ESR1: variants seen among roughly 807,000 people sequenced by gnomAD.
ESR1 encodes the protein estrogen receptor 1, also known as estrogen receptor.
Under a neutral mutation model 52.7 loss-of-function variants are expected in ESR1, and 12 were observed. The observed-to-expected ratio is 0.23, with a 90% CI of 0.15 to 0.37. The LOEUF (loss-of-function observed/expected upper bound fraction) is 0.37, where lower values mean the gene tolerates loss of function less well. Ranked by LOEUF, ESR1 falls within the 10% of genes least tolerant of loss-of-function variation. ESR1 has a pLI of 1.00. For missense variants in ESR1, 584 were observed against 779.7 expected, an observed-to-expected ratio of 0.75 and a Z score of 2.99; for synonymous variants, 305 against 316.8, an observed-to-expected ratio of 0.96 and a Z score of 0.39.
chr6:151,661,240 C>A (rs987523548), intron 1 of ESR1, among the ~76,000 whole-genome samples: 1 of 152,174 alleles, frequency 6.6e-6, no homozygotes, highest in Non-Finnish European at 1.5e-5. Context: ...AAAGATTTTG[C>A]AGCTTGGTAT....
Position 151,970,388 on chromosome 6 carries a change from A to G in ESR1, c.1096+25880A>G, listed in dbSNP as rs138208264. On this transcript the variant is annotated intron_variant, in intron 4 of 7. Transcript: ENST00000206249. Reference sequence around the variant, plus strand: ...GTGAGAAGCCCTCCCACAAGCATATACAAATTTTATGGAAACAGACAAAAA... The same window carrying G: ...GTGAGAAGCCCTCCCACAAGCATATGCAAATTTTATGGAAACAGACAAAAA... Among the ~76,000 whole-genome samples, 4 of 152,176 alleles carry G rather than the reference A, an allele frequency of 2.6e-5. No homozygotes were observed. The East Asian group carries it at 5.8e-4, about 22-fold the overall frequency.
chr6:151,756,941 C>T (rs1784335597), intron 2 of ESR1, among the ~76,000 whole-genome samples: 1 of 152,056 alleles, frequency 6.6e-6, no homozygotes, highest in South Asian at 2.1e-4. Flanking sequence ...AGTGAGCCGG[C>T]ATTGAGCCAC....
At chr6:151,812,372 A>G (rs1270416444) in intron 1 of ESR1, among the ~76,000 whole-genome samples, 1 of 152,204 alleles carries the variant, frequency 6.6e-6, no homozygotes, top group Non-Finnish European at 1.5e-5. Flanking sequence ...AATGATGATT[A>G]TATGAAATCT....
At chr6:151,947,608 A>T (rs745875971) in intron 4 of ESR1, among the ~76,000 whole-genome samples, 1 of 152,132 alleles carries the variant, frequency 6.6e-6, no homozygotes, top group South Asian at 2.1e-4. Flanking sequence ...GTTGATGATT[A>T]TAAGTTGAAT....
intron 2 of ESR1, among the ~76,000 whole-genome samples, chr6:151,792,209 T>G (rs1418805066): frequency 6.6e-6 from 1 of 152,148 alleles, no homozygotes; most frequent in Non-Finnish European, 1.5e-5. Flanking sequence ...TAAAAAATGG[T>G]CCACCTGTAC....
chr6:151,787,643 C>T (rs977378571), intron 2 of ESR1, among the ~76,000 whole-genome samples: 1 of 151,950 alleles, frequency 6.6e-6, no homozygotes, highest in Admixed American at 6.6e-5. Context: ...TGGCTCTTTG[C>T]TTGACTATTT....
chr6:152,083,646 A>C (rs1191595321), intron 6 of ESR1, among the ~76,000 whole-genome samples: 2 of 152,254 alleles, frequency 1.3e-5, no homozygotes, highest in African/African-American at 4.8e-5. Flanking sequence ...AGCAAAGGAA[A>C]CTATCATCAG....
At chr6:151,701,526 T>A (rs2115422077) in intron 1 of ESR1, among the ~76,000 whole-genome samples, 2 of 80,098 alleles carry the variant, frequency 2.5e-5, no homozygotes, top group African/African-American at 5.9e-5. Context: ...CGACACTACA[T>A]CTCAAAAAAA....
intron 6 of ESR1, among the ~76,000 whole-genome samples, chr6:152,123,763 A>G (rs867817756): frequency 6.6e-6 from 1 of 152,224 alleles, no homozygotes; most frequent in Non-Finnish European, 1.5e-5. Context: ...AAGAGTTTTA[A>G]TATCACCAAG....
chr6:151,835,090 G>A (rs1470748776), intron 1 of ESR1, among the ~76,000 whole-genome samples: 3 of 152,060 alleles, frequency 2.0e-5, no homozygotes, highest in East Asian at 1.9e-4. Context: ...GAGAATGGGA[G>A]GATAAACAGG....
At chr6:152,048,737 T>TA (rs1269361553) in intron 5 of ESR1, among the ~76,000 whole-genome samples, 9 of 152,190 alleles carry the variant, frequency 5.9e-5, no homozygotes, top group Non-Finnish European at 1.2e-4. Flanking sequence ...TACAATGGAC[T>TA]AAAAAATAGT....
intron 3 of ESR1, among the ~76,000 whole-genome samples, chr6:151,883,398 G>A: frequency 6.6e-6 from 1 of 151,866 alleles, no homozygotes; most frequent in Non-Finnish European, 1.5e-5. Context: ...AAAGTGCTGG[G>A]ATTATAGGCG....
chr6:152,034,851 A>G (rs1028320311), intron 5 of ESR1, among the ~76,000 whole-genome samples: 1 of 152,226 alleles, frequency 6.6e-6, no homozygotes, highest in Non-Finnish European at 1.5e-5. Context: ...AGCATCATTC[A>G]TCACTGTAAA....
chr6:152,103,927 A>C (rs959082847), downstream of ESR1, among the ~76,000 whole-genome samples: 4 of 150,816 alleles, frequency 2.7e-5, no homozygotes, highest in Non-Finnish European at 5.9e-5. Flanking sequence ...GAGATGCAAC[A>C]TAATATTCAC....
At position 152,100,041 on chromosome 6, in the gene ESR1, GCAGAAACTGGATA is replaced by G. The variant is rs2050908480; in HGVS notation, c.*1079_*1091del. 2.5e-6 allele frequency: 1 copy of G among 398,744 alleles called. No individual in the cohort carries two copies. Among genetic ancestry groups the G allele is most frequent in the African/African-American group, 2.1e-5 (1 of 48,650 alleles). 24.7% of individuals were successfully genotyped at this position (398,744 alleles called of 1,614,324 possible). A position where few individuals can be genotyped will look rare whatever the true frequency, so the allele number is the denominator to read the frequency against. ...ACTAGAGAACAAGAGGGAAAGTAGG[GCAGAAACTGGATA>G]CAGTTCTGAGGCACAGCCAGACTTG... On this transcript the variant is annotated 3_prime_UTR_variant, in exon 8 of 8. Coordinates refer to ENST00000206249, the MANE Select transcript of ESR1 (RefSeq NM_000125.4).
intron 2 of ESR1, among the ~76,000 whole-genome samples, chr6:151,767,933 C>G (rs1309462549): frequency 1.3e-5 from 2 of 152,114 alleles, no homozygotes; most frequent in African/African-American, 4.8e-5. Flanking sequence ...GCTCTATGCG[C>G]TAGAATTAGT....
intron 1 of ESR1, among the ~76,000 whole-genome samples, chr6:151,818,718 C>T (rs1205673325): frequency 6.6e-6 from 1 of 151,990 alleles, no homozygotes; most frequent in East Asian, 1.9e-4. Context: ...TTAGGAGTTC[C>T]TCATTGGTTT....
chr6:151,930,086 C>T (rs148397332), intron 3 of ESR1, among the ~76,000 whole-genome samples: 3,760 of 151,744 alleles, frequency 0.025, 137 homozygotes, highest in African/African-American at 0.085. Context: ...TGGGTTCAAG[C>T]GATTCTCCTG....
Position 151,807,883 on chromosome 6 carries a change from C to A in ESR1, c.-30C>A. ...CTGAGCCTTCTGCCCTGCGGGGACA[C>A]GGTCTGCACCCTGCCCGCGGCCACG... is the stretch of plus-strand genomic sequence containing the variant. On this transcript the variant is annotated 5_prime_UTR_variant, in exon 1 of 8. Transcript: ENST00000206249. 6.3e-7 allele frequency: 1 copy of A among 1,597,826 alleles called. No individual in the cohort carries two copies. The highest frequency in any genetic ancestry group is 8.6e-7 in the Non-Finnish European group (1 of 1,166,960).
Sources: gnomAD v4.1 joint callset for allele counts (sites outside exome capture counted in the v4.1 genomes callset) on GRCh38, gnomAD v4.1.1 for gene constraint, MANE v1.5 for transcripts, NCBI Gene and HGNC (gene_info 2026-07-23, HGNC 2026-07-21) for gene names.